PTPRD: variants seen among roughly 807,000 people sequenced by gnomAD.
PTPRD encodes the protein protein tyrosine phosphatase receptor type D, also known as receptor-type tyrosine-protein phosphatase delta.
Under a neutral mutation model 214.5 loss-of-function variants are expected in PTPRD, and 34 were observed. That is an observed-to-expected ratio of 0.16 (90% CI 0.12 to 0.21). The LOEUF (loss-of-function observed/expected upper bound fraction) is 0.21. Ranked by LOEUF, PTPRD falls within the 10% of genes least tolerant of loss-of-function variation. The probability of loss-of-function intolerance (pLI) is 1.00; values close to 1 mark genes in which losing one functional copy is unlikely to be tolerated. For missense variants in PTPRD, 2,545 were observed against 2,398.7 expected, an observed-to-expected ratio of 1.06 and a Z score of -1.27; for synonymous variants, 1,128 against 845.7, an observed-to-expected ratio of 1.33 and a Z score of -5.79.
chr9:10,371,152 G>A (rs1226969018), intron 2 of PTPRD, among the ~76,000 whole-genome samples: 1 of 151,018 alleles, frequency 6.6e-6, no homozygotes, highest in Non-Finnish European at 1.5e-5. Flanking sequence ...TAAATTATAG[G>A]CTTATGCTCT....
chr9:9,350,743 AG>A (rs1381877095), intron 9 of PTPRD, among the ~76,000 whole-genome samples: 1 of 152,094 alleles, frequency 6.6e-6, no homozygotes, highest in Non-Finnish European at 1.5e-5. Flanking sequence ...AAATTTGAAA[AG>A]GAACTTCAAA....
intron 10 of PTPRD, among the ~76,000 whole-genome samples, chr9:9,098,540 T>TGCCTG (rs2099786920): frequency 6.6e-6 from 1 of 152,202 alleles, no homozygotes; most frequent in African/African-American, 2.4e-5. Context: ...TGAGCCACCA[T>TGCCTG]GCCTGGCCTG....
In PTPRD at chr9:9,328,618, C is replaced by CTTTTTTTTTTTTTTTTTTTTTTT. The variant is rs869076374; in HGVS notation, c.-203+68808_-203+68830dup. Among the ~76,000 whole-genome samples, 34 of 28,230 alleles carry CTTTTTTTTTTTTTTTTTTTTTTT rather than the reference C, an allele frequency of 1.2e-3. 8 individuals are homozygous for CTTTTTTTTTTTTTTTTTTTTTTT. Among genetic ancestry groups the CTTTTTTTTTTTTTTTTTTTTTTT allele is most frequent in the Non-Finnish European group, 1.7e-3 (26 of 15,454 alleles). The allele number at this position is 28,230 out of a possible 152,430, so 18.5% of individuals were successfully genotyped here. ...ACATTTTCTTTTGTTGTTGTTCTTG[C>CTTTTTTTTTTTTTTTTTTTTTTT]TTTTTTTTTTTTTTTTTTTTTTTTT... On this transcript the variant is annotated intron_variant, in intron 9 of 45. Coordinates refer to ENST00000381196, the MANE Select transcript of PTPRD (RefSeq NM_002839.4).
chr9:8,421,812 A>G (rs1000640077), intron 35 of PTPRD, among the ~76,000 whole-genome samples: 2 of 151,946 alleles, frequency 1.3e-5, no homozygotes, highest in Non-Finnish European at 2.9e-5. Context: ...TACCCACTTA[A>G]TATTTAAATA....
At chr9:9,277,242 G>C (rs1438808457) in intron 9 of PTPRD, among the ~76,000 whole-genome samples, 1 of 151,272 alleles carries the variant, frequency 6.6e-6, no homozygotes, top group African/African-American at 2.4e-5. Flanking sequence ...CTATGTTTTT[G>C]AATATTCTTT....
intron 3 of PTPRD, among the ~76,000 whole-genome samples, chr9:10,328,868 T>C (rs2096697260): frequency 1.3e-5 from 2 of 151,930 alleles, no homozygotes; most frequent in Middle Eastern, 3.4e-3. Context: ...GTCATTTCGA[T>C]GGAAGATCTC....
intron 2 of PTPRD, among the ~76,000 whole-genome samples, chr9:10,353,321 A>T (rs1376943799): frequency 6.6e-6 from 1 of 151,990 alleles, no homozygotes; most frequent in Non-Finnish European, 1.5e-5. Context: ...ATAAGAATGG[A>T]ACCACTAAGG....
intron 36 of PTPRD, among the ~76,000 whole-genome samples, chr9:8,397,442 T>C (rs2091450251): frequency 6.6e-6 from 1 of 152,216 alleles, no homozygotes; most frequent in Non-Finnish European, 1.5e-5. Context: ...ATAGACTGTA[T>C]TAACATATTT....
At chr9:9,947,583 ATATT>A (rs2092927454) in intron 4 of PTPRD, among the ~76,000 whole-genome samples, 1 of 44,918 alleles carries the variant, frequency 2.2e-5, no homozygotes, top group Non-Finnish European at 3.5e-5. Flanking sequence ...TATTATATAT[ATATT>A]ATATATATAA....
intron 10 of PTPRD, among the ~76,000 whole-genome samples, chr9:9,077,867 T>C (rs1215939318): frequency 6.6e-6 from 1 of 152,090 alleles, no homozygotes; most frequent in East Asian, 1.9e-4. Flanking sequence ...TGTGTACATT[T>C]TCTCCTTTCT....
chr9:9,141,434 G>T (rs2099860285), intron 10 of PTPRD, among the ~76,000 whole-genome samples: 1 of 152,004 alleles, frequency 6.6e-6, no homozygotes, highest in Non-Finnish European at 1.5e-5. Flanking sequence ...GACCACTTTA[G>T]AATGGTAGCT....
At chr9:8,534,987 G>C (rs747691994) in intron 14 of PTPRD, among the ~76,000 whole-genome samples, 7 of 151,808 alleles carry the variant, frequency 4.6e-5, no homozygotes, top group Non-Finnish European at 8.8e-5. Context: ...GTGCTGGACT[G>C]GGCCAGGCAC....
chr9:10,345,744 T>C (rs995633071), intron 2 of PTPRD, among the ~76,000 whole-genome samples: 1 of 152,210 alleles, frequency 6.6e-6, no homozygotes, highest in Non-Finnish European at 1.5e-5. Context: ...TATGTCTTTA[T>C]AGTAGAATGA....
intron 3 of PTPRD, among the ~76,000 whole-genome samples, chr9:10,177,887 TA>T (rs1299722618): frequency 1.3e-5 from 2 of 151,786 alleles, no homozygotes; most frequent in Admixed American, 6.6e-5. Context: ...CTTTTATAAT[TA>T]AAAAAAGATT....
At chr9:10,253,027 G>C (rs144637445) in intron 3 of PTPRD, among the ~76,000 whole-genome samples, 1 of 152,070 alleles carries the variant, frequency 6.6e-6, no homozygotes, top group African/African-American at 2.4e-5. Context: ...CAGGTGATCC[G>C]TCTGCCTTGG....
At chr9:9,557,064 A>T (rs901278698) in intron 8 of PTPRD, among the ~76,000 whole-genome samples, 1 of 152,208 alleles carries the variant, frequency 6.6e-6, no homozygotes, top group African/African-American at 2.4e-5. Context: ...GATAACGTCC[A>T]TCAATGGAAG....
intron 4 of PTPRD, among the ~76,000 whole-genome samples, chr9:10,025,606 G>T (rs568684942): frequency 6.6e-6 from 1 of 152,132 alleles, no homozygotes. Flanking sequence ...GTGTTTGGCT[G>T]AGCACATTTC....
At chr9:9,675,608 T>A (rs1238377841) in intron 7 of PTPRD, among the ~76,000 whole-genome samples, 5 of 151,916 alleles carry the variant, frequency 3.3e-5, no homozygotes, top group African/African-American at 1.2e-4. Flanking sequence ...TATAAAAATT[T>A]AATCCAATAA....
intron 11 of PTPRD, among the ~76,000 whole-genome samples, chr9:8,837,025 CT>C (rs1183213879): frequency 0.11 from 13,695 of 125,008 alleles, 669 homozygotes; most frequent in East Asian, 0.24. Flanking sequence ...CCACACCCAG[CT>C]TTTTTTTTTT....
Sources: allele counts gnomAD v4.1 joint callset (sites outside exome capture counted in the v4.1 genomes callset), GRCh38; gene constraint gnomAD v4.1.1; transcripts MANE v1.5; gene names NCBI Gene and HGNC (gene_info 2026-07-23, HGNC 2026-07-21).